Variants in FMN1 observed in about 807,000 individuals in gnomAD.
FMN1 encodes formin 1, also known as formin-1.
Under a neutral mutation model 132.4 loss-of-function variants are expected in FMN1, and 110 were observed. The ratio of observed to expected loss-of-function variants is 0.83; its 90% confidence interval spans 0.71 to 0.97. The LOEUF (loss-of-function observed/expected upper bound fraction) is 0.97. Ranked by LOEUF, FMN1 falls within the 50% of genes least tolerant of loss-of-function variation. FMN1 has a pLI of 0.00. For synonymous variants in FMN1, 722 were observed against 651.7 expected (o/e 1.11, Z -1.64); for missense variants, 1,792 against 1,705.3 (o/e 1.05, Z -0.90).
At chr15:33,128,871 G>C (rs772344623) in intron 4 of FMN1, among the ~76,000 whole-genome samples, 16 of 152,038 alleles carry the variant, frequency 1.1e-4, no homozygotes, top group African/African-American at 1.9e-4. Context: ...AGAGGCCTGC[G>C]TGCGTGGCCA....
intron 7 of FMN1, among the ~76,000 whole-genome samples, chr15:32,982,645 A>C (rs1305985596): frequency 6.6e-6 from 1 of 152,138 alleles, no homozygotes; most frequent in Non-Finnish European, 1.5e-5. Flanking sequence ...TGCCCTCCCT[A>C]ATGTAGGTGG....
intron 5 of FMN1, among the ~76,000 whole-genome samples, chr15:33,069,070 G>A (rs759360797): frequency 6.6e-6 from 1 of 152,136 alleles, no homozygotes; most frequent in Non-Finnish European, 1.5e-5. Context: ...AAGGATCCAC[G>A]TTCTCCTAAA....
At position 32,769,263 on chromosome 15, in the gene FMN1, T is replaced by A. The variant is rs1233186238; in HGVS notation, c.*5047A>T. On this transcript the variant is annotated 3_prime_UTR_variant, in exon 21 of 21. Coordinates refer to ENST00000616417, the MANE Select transcript of FMN1 (RefSeq NM_001277313.2). ...AGAGTCTTGGAACAAATAAGGATAC[T>A]GAATTGGCTTCAAATTTGACATGTT... The A allele has an allele frequency of 1.3e-5, 2 of 152,274 alleles. No homozygotes were observed. The highest frequency in any genetic ancestry group is 3.8e-4 in the East Asian group (2 of 5,202). The allele number at this position is 152,274 out of a possible 1,614,324, so 9.4% of individuals were successfully genotyped here. A position where few individuals can be genotyped will look rare whatever the true frequency, so the allele number is the denominator to read the frequency against.
chr15:32,924,644 G>T (rs1025202668), intron 10 of FMN1, among the ~76,000 whole-genome samples: 3 of 152,238 alleles, frequency 2.0e-5, no homozygotes, highest in Non-Finnish European at 2.9e-5. Context: ...CATTTGCTGG[G>T]CATAGTGGCT....
intron 6 of FMN1, among the ~76,000 whole-genome samples, chr15:33,062,359 C>T (rs1298001855): frequency 6.6e-6 from 1 of 152,134 alleles, no homozygotes; most frequent in Non-Finnish European, 1.5e-5. Context: ...CGGTGGCTCA[C>T]ACCTGTAATC....
chr15:33,091,319 C>G (rs1211581989), intron 4 of FMN1, among the ~76,000 whole-genome samples: 6 of 152,192 alleles, frequency 3.9e-5, no homozygotes, highest in African/African-American at 1.4e-4. Flanking sequence ...AAACCCCTCA[C>G]ACACCTGCAG....
At chr15:33,037,870 AT>A (rs974328200) in intron 6 of FMN1, among the ~76,000 whole-genome samples, 5 of 152,212 alleles carry the variant, frequency 3.3e-5, no homozygotes, top group Admixed American at 1.3e-4. Flanking sequence ...AAAACTTTTA[AT>A]TTTCAGTCTA....
intron 6 of FMN1, among the ~76,000 whole-genome samples, chr15:33,008,811 T>C (rs2034553628): frequency 6.6e-6 from 1 of 152,168 alleles, no homozygotes; most frequent in African/African-American, 2.4e-5. Flanking sequence ...TGTGGGGTCA[T>C]GGAACTATAC....
intron 4 of FMN1, among the ~76,000 whole-genome samples, chr15:33,132,796 G>T (rs1343948722): frequency 6.6e-6 from 1 of 152,030 alleles, no homozygotes; most frequent in Non-Finnish European, 1.5e-5. Flanking sequence ...ACTGTCTCTA[G>T]CTCCTCCCAT....
At chr15:32,855,875 C>A (rs1014105655) in intron 17 of FMN1, among the ~76,000 whole-genome samples, 2 of 152,196 alleles carry the variant, frequency 1.3e-5, no homozygotes, top group African/African-American at 4.8e-5. Flanking sequence ...AATCCATCTC[C>A]TATAGTCACA....
In FMN1 at chr15:32,949,978, T is replaced by TATTAA. The variant is rs1275873476; in HGVS notation, c.3138+14128_3138+14129insTTAAT. Among the ~76,000 whole-genome samples, 2 of 36,202 alleles carry TATTAA rather than the reference T, an allele frequency of 5.5e-5. 1 individual carries two copies. The highest frequency in any genetic ancestry group is 3.2e-4 in the African/African-American group (2 of 6,248). 23.7% of individuals were successfully genotyped at this position (36,202 alleles called of 152,430 possible). A position where few individuals can be genotyped will look rare whatever the true frequency, so the allele number is the denominator to read the frequency against. On this transcript the variant is annotated intron_variant, in intron 9 of 20. Coordinates refer to ENST00000616417, the MANE Select transcript of FMN1 (RefSeq NM_001277313.2). ...ATATATATATATACACACATATATA[T>TATTAA]ACACACACATATATATACACATACA...
intron 17 of FMN1, among the ~76,000 whole-genome samples, chr15:32,835,466 T>C (rs1239005946): frequency 6.6e-6 from 1 of 152,206 alleles, no homozygotes; most frequent in Non-Finnish European, 1.5e-5. Flanking sequence ...TGCCCTATTA[T>C]CCCAATTTCC....
At chr15:32,948,222 AT>A (rs1429109298) in intron 9 of FMN1, among the ~76,000 whole-genome samples, 1 of 151,990 alleles carries the variant, frequency 6.6e-6, no homozygotes, top group African/African-American at 2.4e-5. Context: ...CATTTTAATT[AT>A]TTATAAAAAG....
chr15:33,006,281 A>G (rs181833499), intron 7 of FMN1, among the ~76,000 whole-genome samples: 1 of 152,328 alleles, frequency 6.6e-6, no homozygotes, highest in African/African-American at 2.4e-5. Context: ...CAACCAATAT[A>G]TGAAAAAAAT....
chr15:33,044,415 CA>C (rs1730960404), intron 6 of FMN1, among the ~76,000 whole-genome samples: 1 of 152,200 alleles, frequency 6.6e-6, no homozygotes, highest in Non-Finnish European at 1.5e-5. Flanking sequence ...TATGGCCACC[CA>C]TGGACCAATC....
At chr15:33,072,792 G>A (rs2038047532) in intron 5 of FMN1, among the ~76,000 whole-genome samples, 1 of 151,982 alleles carries the variant, frequency 6.6e-6, no homozygotes. Flanking sequence ...GCATGGTGGT[G>A]GGCACCTGTA....
At chr15:33,116,397 G>A (rs996323011) in intron 4 of FMN1, among the ~76,000 whole-genome samples, 2 of 152,118 alleles carry the variant, frequency 1.3e-5, no homozygotes, top group African/African-American at 4.8e-5. Flanking sequence ...GTTCAAATAA[G>A]GCAAACGCCC....
intron 17 of FMN1, among the ~76,000 whole-genome samples, chr15:32,818,291 T>A (rs2058111552): frequency 6.6e-6 from 1 of 152,118 alleles, no homozygotes; most frequent in Admixed American, 6.5e-5. Context: ...AAATTTACAA[T>A]TATTAAAAAT....
chr15:33,068,136 C>CTTCT, intron 5 of FMN1: 2 of 771,826 alleles, frequency 2.6e-6, no homozygotes, highest in Non-Finnish European at 3.7e-6. Flanking sequence ...GCCGAGGCTG[C>CTTCT]GCACCTTACT....
Sources: allele counts gnomAD v4.1 joint callset (sites outside exome capture counted in the v4.1 genomes callset), GRCh38; gene constraint gnomAD v4.1.1; transcripts MANE v1.5; gene names NCBI Gene and HGNC (gene_info 2026-07-23, HGNC 2026-07-21).